Variants in L2HGDH observed in about 807,000 individuals in gnomAD.
L2HGDH encodes the protein L-2-hydroxyglutarate dehydrogenase, mitochondrial.
L2HGDH carries 34 observed loss-of-function variants against 51.5 expected under a neutral mutation model. The observed-to-expected ratio is 0.66, with a 90% CI of 0.50 to 0.88. The LOEUF is 0.88. Among genes scored for constraint, L2HGDH ranks in the 40% least tolerant of loss-of-function variants. The pLI, the probability that L2HGDH is intolerant of heterozygous loss-of-function variation, is 0.00. For missense variants in L2HGDH, 558 were observed against 571.9 expected (o/e 0.98, Z 0.25); for synonymous variants, 198 against 197.9 (o/e 1.00, Z -0.01).
chr14:50,293,986 AC>A, intron 4 of L2HGDH, 128 bp downstream of exon 4: 1 of 1,107,154 alleles, frequency 9.0e-7, no homozygotes, highest in Non-Finnish European at 1.3e-6. Flanking sequence ...TGTGTCTGTC[AC>A]TTCACTACTT....
At chr14:50,276,316 A>G (rs1889978144) in intron 6 of L2HGDH, among the ~76,000 whole-genome samples, 1 of 152,256 alleles carries the variant, frequency 6.6e-6, no homozygotes, top group Non-Finnish European at 1.5e-5. Flanking sequence ...GGGGAAGGAA[A>G]TTATAAATAT....
At chr14:50,284,098 T>G in intron 4 of L2HGDH, 65 bp from the exon 5 acceptor site, 16 of 1,491,776 alleles carry the variant, frequency 1.1e-5, no homozygotes, top group Non-Finnish European at 1.5e-5. Context: ...ACAAAATCTC[T>G]ATAATCAAGA....
At chr14:50,254,318 C>T (rs1050703361) in intron 9 of L2HGDH, among the ~76,000 whole-genome samples, 5 of 151,908 alleles carry the variant, frequency 3.3e-5, no homozygotes, top group African/African-American at 1.2e-4. Flanking sequence ...ATATATACAC[C>T]TACTAGGCAC....
intron 3 of L2HGDH, among the ~76,000 whole-genome samples, chr14:50,297,820 T>C (rs200963251): frequency 6.6e-6 from 1 of 152,182 alleles, no homozygotes; most frequent in Non-Finnish European, 1.5e-5. Context: ...TGGCCAGGCA[T>C]AGTGGTTCAC....
In L2HGDH at chr14:50,243,559, C is replaced by CA; in HGVS notation, c.*3498dup. On this transcript the variant is annotated 3_prime_UTR_variant, in exon 10 of 10. Transcript: ENST00000267436. ...AAAACTTTATTATATCAGTATTAAA[C>CA]AAAAAAACCCTATTGACATACATAT... 3.9e-6 allele frequency: 3 copies of CA among 766,968 alleles called. No individual in the cohort carries two copies. Among genetic ancestry groups the CA allele is most frequent in the Non-Finnish European group, 4.7e-6 (3 of 631,742 alleles). 47.5% of individuals were successfully genotyped at this position (766,968 alleles called of 1,614,324 possible). A position where few individuals can be genotyped will look rare whatever the true frequency, so the allele number is the denominator to read the frequency against.
intron 9 of L2HGDH, among the ~76,000 whole-genome samples, chr14:50,248,781 G>A (rs1475794249): frequency 1.2e-4 from 18 of 152,186 alleles, no homozygotes; most frequent in Admixed American, 1.2e-3. Flanking sequence ...TGGTTCGGCT[G>A]CTAGAACACC....
intron 5 of L2HGDH, among the ~76,000 whole-genome samples, chr14:50,280,339 G>T (rs544857725): frequency 6.6e-6 from 1 of 152,006 alleles, no homozygotes; most frequent in East Asian, 2.0e-4. Flanking sequence ...GCTAATTTTT[G>T]TATTTTTAGT....
At chr14:50,264,215 C>T (rs1889209913) in intron 9 of L2HGDH, among the ~76,000 whole-genome samples, 2 of 151,444 alleles carry the variant, frequency 1.3e-5, no homozygotes, top group African/African-American at 4.8e-5. Flanking sequence ...CCTGTCTCTA[C>T]TAAAAATACA....
chr14:50,302,716 C>A (rs1566539554), intron 2 of L2HGDH, among the ~76,000 whole-genome samples, 186 bp downstream of exon 2: 1 of 152,164 alleles, frequency 6.6e-6, no homozygotes. Context: ...CCTATAGACA[C>A]GTCCTCCTTG....
chr14:50,311,204 AG>A (rs1444984202), intron 1 of L2HGDH: 1 of 381,422 alleles, frequency 2.6e-6, no homozygotes, highest in Non-Finnish European at 5.2e-6. Flanking sequence ...GGCCTCCTAA[AG>A]CGTAGCCTCT....
intron 6 of L2HGDH, among the ~76,000 whole-genome samples, chr14:50,271,828 C>A (rs558216220): frequency 6.6e-6 from 1 of 152,172 alleles, no homozygotes; most frequent in African/African-American, 2.4e-5. Flanking sequence ...TTAGCAAATC[C>A]TACCTGCAAA....
intron 4 of L2HGDH, among the ~76,000 whole-genome samples, 183 bp from the exon 5 acceptor site, chr14:50,284,216 T>C (rs1890436482): frequency 6.6e-6 from 1 of 152,232 alleles, no homozygotes; most frequent in Non-Finnish European, 1.5e-5. Flanking sequence ...TCTGATTTGA[T>C]TCATATCTGA....
chr14:50,284,184 A>C (rs183043807), intron 4 of L2HGDH, 151 bp from the exon 5 acceptor site: 92 of 689,542 alleles, frequency 1.3e-4, no homozygotes, highest in Admixed American at 7.5e-4. Context: ...TTTTCCATTT[A>C]TTATCCCTCA....
At chr14:50,282,735 AAGTG>A (rs1890341360) in intron 5 of L2HGDH, among the ~76,000 whole-genome samples, 1 of 152,162 alleles carries the variant, frequency 6.6e-6, no homozygotes, top group Non-Finnish European at 1.5e-5. Context: ...GGAAAGGACC[AAGTG>A]CTTAATAAAT....
Position 50,293,347 on chromosome 14 carries a change from T to G in L2HGDH, c.540+768A>C, listed in dbSNP as rs866559500. 3.6e-5 allele frequency: 25 copies of G among 692,546 alleles called. 2 individuals are homozygous for G. The Middle Eastern group carries it at 5.8e-3, about 161-fold the overall frequency. The allele number at this position is 692,546 out of a possible 1,614,324, so 42.9% of individuals were successfully genotyped here. ...ACCATATATAAAAATCAATTCCAAA[T>G]GGACTGTAGATCTAAATGTGAAATG... On this transcript the variant is annotated intron_variant, in intron 4 of 9. Transcript: ENST00000267436.
rs1437174518 is a variant in L2HGDH at position 50,243,681 on chromosome 14, ATATATT to A, written c.*3371_*3376del. 1.2e-4 allele frequency: 23 copies of A among 190,926 alleles called. No individual in the cohort carries two copies. The East Asian group carries it at 1.4e-3, about 12-fold the overall frequency. 11.8% of individuals were successfully genotyped at this position (190,926 alleles called of 1,614,324 possible). A position where few individuals can be genotyped will look rare whatever the true frequency, so the allele number is the denominator to read the frequency against. ...GGGTATTTTATATATATATATATAT[ATATATT>A]GTTTATTATTATACTTTAAGTTTTA... On this transcript the variant is annotated 3_prime_UTR_variant, in exon 10 of 10. Transcript: ENST00000267436.
At chr14:50,305,175 T>C (rs910133144) in intron 1 of L2HGDH, among the ~76,000 whole-genome samples, 8 of 152,278 alleles carry the variant, frequency 5.3e-5, no homozygotes, top group East Asian at 3.9e-4. Flanking sequence ...TGGATAAAGT[T>C]CCCTCTGTCA....
rs1206553474 is a variant in L2HGDH at position 50,283,964 on chromosome 14, G to A, written c.610C>T (p.Gln204Ter). ...DYRQVALSFAQDFQEAGGSVL... is the reference protein window; with the variant it reads ...DYRQVALSFA ...GAGCCACCTGCTTCTTGGAAATCCTGGGCAAATGACAAAGCCACCTGCCGA... is the reference window on the plus strand; with the variant it reads ...GAGCCACCTGCTTCTTGGAAATCCTAGGCAAATGACAAAGCCACCTGCCGA... Residue 204 changes from glutamine to a stop codon, truncating the protein, a stop_gained, in exon 5 of 10, where the codon CAG becomes TAG. Transcript: ENST00000267436. LOFTEE classifies it high-confidence loss of function. The A allele has an allele frequency of 6.2e-7, 1 of 1,613,910 alleles. No homozygotes were observed. The highest frequency in any genetic ancestry group is 1.1e-5 in the South Asian group (1 of 91,068).
chr14:50,297,531 CAAAGAAT>C (rs2030131410), intron 3 of L2HGDH, among the ~76,000 whole-genome samples: 1 of 152,108 alleles, frequency 6.6e-6, no homozygotes. Flanking sequence ...AAAAGCATCA[CAAAGAAT>C]AAACTACTGA....
Sources: allele counts gnomAD v4.1 joint callset (sites outside exome capture counted in the v4.1 genomes callset), GRCh38; gene constraint gnomAD v4.1.1; transcripts MANE v1.5; gene names NCBI Gene and HGNC (gene_info 2026-07-23, HGNC 2026-07-21).